The following CEP128 variants were observed in gnomAD, a reference collection of about 807,000 sequenced individuals.
The protein encoded by CEP128 is centrosomal protein 128kDa.
Under a neutral mutation model 156.7 loss-of-function variants are expected in CEP128, and 132 were observed. The ratio of observed to expected loss-of-function variants is 0.84; its 90% CI spans 0.73 to 0.97. The LOEUF (loss-of-function observed/expected upper bound fraction) is 0.97, where lower values mean the gene tolerates loss of function less well. CEP128 is among the 50% of genes least tolerant of loss of function. CEP128 has a pLI of 0.00. For synonymous variants in CEP128, 469 were observed against 448.9 expected (o/e 1.04, Z -0.57); for missense variants, 1,252 against 1,281.9 (o/e 0.98, Z 0.36).
intron 8 of CEP128, chr14:80,894,718 C>G (rs777553769): frequency 8.8e-6 from 3 of 341,592 alleles, no homozygotes; most frequent in East Asian, 8.9e-5. Flanking sequence ...TTTTATGTAG[C>G]CAAGTGTTTA....
chr14:80,718,742 C>T (rs888511473), intron 19 of CEP128, among the ~76,000 whole-genome samples: 1 of 152,116 alleles, frequency 6.6e-6, no homozygotes, highest in African/African-American at 2.4e-5. Context: ...CAGCAAAGTC[C>T]AACAGTTTAA....
At chr14:80,553,568 CAT>C (rs1566775976) in intron 21 of CEP128, among the ~76,000 whole-genome samples, 1 of 152,162 alleles carries the variant, frequency 6.6e-6, no homozygotes, top group Non-Finnish European at 1.5e-5. Flanking sequence ...CATTTTGATA[CAT>C]GTTTAAGAAA....
intron 16 of CEP128, among the ~76,000 whole-genome samples, chr14:80,763,723 T>C (rs1900085676): frequency 6.6e-6 from 1 of 152,188 alleles, no homozygotes; most frequent in Non-Finnish European, 1.5e-5. Context: ...CAAAACAAGT[T>C]TATTATCATC....
intron 18 of CEP128, among the ~76,000 whole-genome samples, chr14:80,755,445 A>G (rs557940172): frequency 6.6e-6 from 1 of 152,302 alleles, no homozygotes; most frequent in Non-Finnish European, 1.5e-5. Flanking sequence ...TTTTACCTGT[A>G]AGTATAGTCC....
At chr14:80,833,031 C>T (rs8009508) in intron 12 of CEP128, among the ~76,000 whole-genome samples, 90,270 of 152,030 alleles carry the variant, frequency 0.59, 27,135 homozygotes, top group East Asian at 0.79. Flanking sequence ...CCAATAAAGT[C>T]TATTTACAAA....
Position 80,792,965 on chromosome 14 carries a change from T to C in CEP128, c.1355A>G (p.Glu452Gly). The change falls in exon 14 of 25, where the codon GAG (glutamate) becomes GGG (glycine). Residue 452 changes from glutamate to glycine, a missense_variant. By Grantham distance (98) the Glu-to-Gly change is moderately conservative. Transcript: ENST00000555265. ...LQISELTRHAEDATKQAERYL... is the reference protein window; with the variant it reads ...LQISELTRHAGDATKQAERYL... ...CCGCTCAGCCTGCTTGGTTGCATCC[T>C]CCGCATGGCGAGTCAGCTCTGAGAT... 5 of 1,614,196 alleles carry C rather than the reference T, an allele frequency of 3.1e-6. No individual in the cohort carries two copies. The highest frequency in any genetic ancestry group is 4.2e-6 in the Non-Finnish European group (5 of 1,180,032).
intron 23 of CEP128, among the ~76,000 whole-genome samples, chr14:80,511,174 G>A (rs1180719652): frequency 6.6e-6 from 1 of 151,666 alleles, no homozygotes; most frequent in Non-Finnish European, 1.5e-5. Flanking sequence ...AATAGGTTGA[G>A]TAAGATTGGT....
At chr14:80,895,878 AT>A in intron 7 of CEP128, 88 bp from the exon 8 acceptor site, 7 of 913,880 alleles carry the variant, frequency 7.7e-6, no homozygotes, top group Non-Finnish European at 9.4e-6. Flanking sequence ...TAATTATGTT[AT>A]TACAAAATAT....
chr14:80,603,156 G>A lies in CEP128; in HGVS notation c.2807-22733C>T, dbSNP rs139834675. Among the ~76,000 whole-genome samples, 99 of 152,268 alleles carry A rather than the reference G, an allele frequency of 6.5e-4. 1 individual carries two copies. The East Asian group carries it at 0.013, about 20-fold the overall frequency. On this transcript the variant is annotated intron_variant, in intron 19 of 24. Coordinates refer to ENST00000555265, the MANE Select transcript of CEP128 (RefSeq NM_152446.5). ...TGTGGCCTCAGCAAATGAGACAATG[G>A]CCTTTCTGGCCAGCAGCATTATTCA...
chr14:80,713,189 C>A (rs544358405), intron 19 of CEP128, among the ~76,000 whole-genome samples: 72 of 152,234 alleles, frequency 4.7e-4, no homozygotes, highest in Middle Eastern at 3.4e-3. Context: ...AAATGAAACA[C>A]CACACTTACT....
chr14:80,856,066 A>G (rs1887141196), intron 9 of CEP128, among the ~76,000 whole-genome samples: 1 of 152,188 alleles, frequency 6.6e-6, no homozygotes, highest in Middle Eastern at 3.2e-3. Flanking sequence ...GAAAAAAAGT[A>G]TCGATTACTT....
chr14:80,531,868 C>T (rs555001207), intron 21 of CEP128, among the ~76,000 whole-genome samples: 1 of 152,228 alleles, frequency 6.6e-6, no homozygotes, highest in Admixed American at 6.5e-5. Flanking sequence ...CTGAGAGTGT[C>T]ACTTCTGGAA....
intron 19 of CEP128, among the ~76,000 whole-genome samples, chr14:80,678,001 C>T (rs1896134865): frequency 6.9e-6 from 1 of 145,330 alleles, no homozygotes; most frequent in African/African-American, 2.7e-5. Context: ...TTTATCAATT[C>T]CTATCCAACC....
At chr14:80,771,582 CA>C (rs938949880) in intron 16 of CEP128, among the ~76,000 whole-genome samples, 2 of 152,132 alleles carry the variant, frequency 1.3e-5, no homozygotes, top group African/African-American at 4.8e-5. Context: ...TGGGAAGGAA[CA>C]AAAATGCATT....
intron 19 of CEP128, among the ~76,000 whole-genome samples, chr14:80,667,096 C>G (rs576700062): frequency 6.6e-6 from 1 of 152,134 alleles, no homozygotes; most frequent in Non-Finnish European, 1.5e-5. Flanking sequence ...CAGATTCTGA[C>G]GCAGTGGACA....
intron 21 of CEP128, among the ~76,000 whole-genome samples, chr14:80,532,247 G>T (rs1382170444): frequency 6.6e-6 from 1 of 152,020 alleles, no homozygotes; most frequent in Non-Finnish European, 1.5e-5. Flanking sequence ...AGGCTAGAGT[G>T]CAAAGGCACA....
chr14:80,487,905 A>G (rs1887205018), downstream of CEP128, among the ~76,000 whole-genome samples: 1 of 151,986 alleles, frequency 6.6e-6, no homozygotes, highest in African/African-American at 2.4e-5. Context: ...ATAGCAGTAA[A>G]TGCCCACAAG....
At chr14:80,860,401 A>G (rs1887457973) in intron 9 of CEP128, among the ~76,000 whole-genome samples, 2 of 152,296 alleles carry the variant, frequency 1.3e-5, no homozygotes, top group Middle Eastern at 3.4e-3. Context: ...GACAATTTCA[A>G]TGGAAATACC....
intron 16 of CEP128, among the ~76,000 whole-genome samples, chr14:80,764,664 T>C (rs1490868165): frequency 6.6e-6 from 1 of 152,206 alleles, no homozygotes; most frequent in African/African-American, 2.4e-5. Context: ...TACTTGCTCC[T>C]TCAGGATTCC....
Sources: gnomAD v4.1 joint callset for allele counts (sites outside exome capture counted in the v4.1 genomes callset) on GRCh38, gnomAD v4.1.1 for gene constraint, MANE v1.5 for transcripts, NCBI Gene and HGNC (gene_info 2026-07-23, HGNC 2026-07-21) for gene names.